Variants in KLHL1 observed in about 807,000 individuals in gnomAD.
The protein encoded by KLHL1 is kelch-like protein 1.
KLHL1 carries 47 observed loss-of-function variants against 77.7 expected under a neutral mutation model. The observed-to-expected ratio is 0.60, with a 90% CI of 0.48 to 0.77. The LOEUF (loss-of-function observed/expected upper bound fraction) is 0.77. KLHL1 is among the 30% of genes least tolerant of loss of function. The pLI, the probability that KLHL1 is intolerant of heterozygous loss-of-function variation, is 0.00. For missense variants in KLHL1, 925 were observed against 910.8 expected (o/e 1.02, Z -0.20); for synonymous variants, 360 against 325.2 (o/e 1.11, Z -1.15).
intron 8 of KLHL1, among the ~76,000 whole-genome samples, chr13:69,720,178 G>GT (rs1262989865): frequency 6.6e-6 from 1 of 152,068 alleles, no homozygotes; most frequent in Admixed American, 6.6e-5. Flanking sequence ...AATTGCTGAA[G>GT]TTTACTTGAT....
intron 8 of KLHL1, among the ~76,000 whole-genome samples, chr13:69,726,651 A>C (rs1593776914): frequency 6.6e-6 from 1 of 152,294 alleles, no homozygotes; most frequent in East Asian, 1.9e-4. Flanking sequence ...ATTTATGAAA[A>C]GAATCTGACA....
At chr13:69,840,368 T>C (rs1879198055) in intron 5 of KLHL1, among the ~76,000 whole-genome samples, 1 of 151,804 alleles carries the variant, frequency 6.6e-6, no homozygotes, top group Non-Finnish European at 1.5e-5. Context: ...GGATTACAGA[T>C]GTGCACCACC....
intron 6 of KLHL1, among the ~76,000 whole-genome samples, chr13:69,824,750 G>T (rs1878477892): frequency 6.6e-6 from 1 of 152,134 alleles, no homozygotes; most frequent in South Asian, 2.1e-4. Context: ...TGGAGATGTG[G>T]AAGGTGAAAT....
At chr13:69,902,981 T>C (rs1041764471) in intron 4 of KLHL1, among the ~76,000 whole-genome samples, 1 of 152,176 alleles carries the variant, frequency 6.6e-6, no homozygotes, top group Non-Finnish European at 1.5e-5. Context: ...GTATGATTGC[T>C]TGTTAAATAT....
intron 1 of KLHL1, among the ~76,000 whole-genome samples, chr13:70,103,354 G>C (rs1158066859): frequency 6.6e-6 from 1 of 152,128 alleles, no homozygotes; most frequent in Non-Finnish European, 1.5e-5. Flanking sequence ...GTAATCCATG[G>C]TACAGATTGT....
rs550279036 is a variant in KLHL1 at position 69,996,345 on chromosome 13, A to G, written c.498-20543T>C. 2.6e-5 allele frequency among the ~76,000 whole-genome samples: 4 copies of G among 152,150 alleles called. No homozygotes were observed. The East Asian group carries it at 7.7e-4, about 29-fold the overall frequency. ...AATTTAAAAAAGCCTTGAAATATTA[A>G]AGAGTAGAGATTCCATTATATTACA... On this transcript the variant is annotated intron_variant, in intron 1 of 10. Coordinates refer to ENST00000377844, the MANE Select transcript of KLHL1 (RefSeq NM_020866.3).
At chr13:69,751,779 A>G (rs983208667) in intron 7 of KLHL1, among the ~76,000 whole-genome samples, 2 of 152,140 alleles carry the variant, frequency 1.3e-5, no homozygotes, top group African/African-American at 4.8e-5. Context: ...CACACTGGCT[A>G]TGGTGTGGAA....
intron 6 of KLHL1, among the ~76,000 whole-genome samples, chr13:69,799,963 G>T (rs998026784): frequency 2.0e-5 from 3 of 152,056 alleles, no homozygotes; most frequent in Non-Finnish European, 2.9e-5. Context: ...GATCTAGGTT[G>T]ATCATACCAT....
chr13:69,734,455 A>C (rs1260625819), intron 8 of KLHL1, among the ~76,000 whole-genome samples: 2 of 151,946 alleles, frequency 1.3e-5, no homozygotes, highest in Non-Finnish European at 2.9e-5. Flanking sequence ...AATAAACTCC[A>C]AGAACTATTA....
At chr13:69,838,672 G>A (rs1424307) in intron 6 of KLHL1, among the ~76,000 whole-genome samples, 14,228 of 151,680 alleles carry the variant, frequency 0.094, 837 homozygotes, top group Non-Finnish European at 0.13. Flanking sequence ...CACATTTCTT[G>A]GCATTGAAAT....
chr13:69,913,196 C>T (rs1378485542), intron 4 of KLHL1, among the ~76,000 whole-genome samples: 1 of 152,110 alleles, frequency 6.6e-6, no homozygotes, highest in Non-Finnish European at 1.5e-5. Context: ...CCCCTATGCT[C>T]CCCCTTCAAA....
chr13:69,961,545 A>C, intron 2 of KLHL1, 101 bp from the exon 3 acceptor site: 4 of 1,223,272 alleles, frequency 3.3e-6, no homozygotes, highest in Non-Finnish European at 4.6e-6. Context: ...TCTATTGATC[A>C]ATCAATTAAT....
chr13:70,043,351 T>G (rs1451479374), intron 1 of KLHL1, among the ~76,000 whole-genome samples: 1 of 152,176 alleles, frequency 6.6e-6, no homozygotes, highest in Non-Finnish European at 1.5e-5. Context: ...GGAGTCAAAA[T>G]GCTAAAAGTT....
intron 5 of KLHL1, among the ~76,000 whole-genome samples, chr13:69,852,023 C>T (rs1055528710): frequency 2.0e-5 from 3 of 151,794 alleles, no homozygotes; most frequent in African/African-American, 4.8e-5. Flanking sequence ...GAGTAAAATG[C>T]TTGTAAAATA....
chr13:70,080,680 T>G (rs868630956), intron 1 of KLHL1, among the ~76,000 whole-genome samples: 2 of 152,206 alleles, frequency 1.3e-5, no homozygotes, highest in South Asian at 2.1e-4. Context: ...CACGGCAACC[T>G]CCACCTCCCG....
chr13:69,989,491 G>C (rs867894525), intron 1 of KLHL1, among the ~76,000 whole-genome samples: 7 of 151,898 alleles, frequency 4.6e-5, no homozygotes, highest in African/African-American at 1.7e-4. Context: ...TTTTAGTTCT[G>C]TGAAGAATAT....
chr13:69,954,909 A>G (rs1469002894), intron 3 of KLHL1, among the ~76,000 whole-genome samples: 1 of 150,586 alleles, frequency 6.6e-6, no homozygotes, highest in Non-Finnish European at 1.5e-5. Context: ...AAATTATATT[A>G]TTGATTTTAT....
At chr13:69,765,785 C>T (rs1875273160) in intron 7 of KLHL1, among the ~76,000 whole-genome samples, 1 of 152,208 alleles carries the variant, frequency 6.6e-6, no homozygotes, top group African/African-American at 2.4e-5. Flanking sequence ...GCAATGCTAC[C>T]CTCCGATCTG....
intron 5 of KLHL1, among the ~76,000 whole-genome samples, chr13:69,847,825 T>C (rs1879530384): frequency 6.6e-6 from 1 of 151,554 alleles, no homozygotes; most frequent in African/African-American, 2.4e-5. Flanking sequence ...GACAGTTTCA[T>C]AGCTTGCCTT....
Sources: allele counts gnomAD v4.1 joint callset (sites outside exome capture counted in the v4.1 genomes callset), GRCh38; gene constraint gnomAD v4.1.1; transcripts MANE v1.5; gene names NCBI Gene and HGNC (gene_info 2026-07-23, HGNC 2026-07-21).